The following USP10 variants were observed in gnomAD, a reference collection of about 807,000 sequenced individuals.
The protein encoded by USP10 is ubiquitin carboxyl-terminal hydrolase 10.
A neutral mutation model predicts 84.5 loss-of-function variants in USP10; 22 were observed. The observed-to-expected ratio is 0.26, with a 90% CI of 0.19 to 0.37. The LOEUF (loss-of-function observed/expected upper bound fraction) is 0.37, where lower values mean the gene tolerates loss of function less well. Among genes scored for constraint, USP10 ranks in the 10% least tolerant of loss-of-function variants. USP10 has a pLI of 1.00. For synonymous variants in USP10, 454 were observed against 387.6 expected (o/e 1.17, Z -2.01); for missense variants, 1,019 against 998.9 (o/e 1.02, Z -0.27).
intron 3 of USP10, among the ~76,000 whole-genome samples, chr16:84,742,098 G>C (rs994340713): frequency 6.6e-6 from 1 of 151,966 alleles, no homozygotes; most frequent in African/African-American, 2.4e-5. Flanking sequence ...AATTTTTGTA[G>C]GTACATAATA....
chr16:84,734,589 G>A (rs1909654787), intron 2 of USP10, among the ~76,000 whole-genome samples: 1 of 152,044 alleles, frequency 6.6e-6, no homozygotes, highest in South Asian at 2.1e-4. Context: ...TTTGGGGTTG[G>A]GTTTTTTTGT....
intron 1 of USP10, among the ~76,000 whole-genome samples, chr16:84,721,077 A>G (rs932108799): frequency 1.9e-4 from 29 of 151,924 alleles, no homozygotes; most frequent in African/African-American, 6.5e-4. Flanking sequence ...TATTTTTAGT[A>G]AAGACGGGGT....
chr16:84,775,982 T>A (rs1914971073), intron 13 of USP10, among the ~76,000 whole-genome samples: 1 of 152,230 alleles, frequency 6.6e-6, no homozygotes, highest in Non-Finnish European at 1.5e-5. Context: ...TGTTTCTAGC[T>A]TCTGTGTCTT....
intron 2 of USP10, among the ~76,000 whole-genome samples, chr16:84,734,311 T>C (rs989320468): frequency 3.3e-5 from 5 of 152,222 alleles, no homozygotes; most frequent in African/African-American, 4.8e-5. Flanking sequence ...TTTAAAATTT[T>C]GTGAATCTGA....
intron 1 of USP10, among the ~76,000 whole-genome samples, chr16:84,700,985 G>C (rs892522358): frequency 6.6e-6 from 1 of 151,698 alleles, no homozygotes; most frequent in African/African-American, 2.4e-5. Context: ...CCTTGCTTTA[G>C]ACTGCTAATT....
chr16:84,769,867 C>T (rs983798220), intron 11 of USP10, among the ~76,000 whole-genome samples: 7 of 152,008 alleles, frequency 4.6e-5, no homozygotes, highest in East Asian at 1.9e-4. Context: ...GGGGTTGAGG[C>T]GCAGGTAGTT....
chr16:84,774,608 C>G (rs779501993), intron 12 of USP10, among the ~76,000 whole-genome samples: 1 of 152,006 alleles, frequency 6.6e-6, no homozygotes, highest in Non-Finnish European at 1.5e-5. Context: ...GTAGCTGAGA[C>G]TACAGCCGCG....
intron 13 of USP10, among the ~76,000 whole-genome samples, chr16:84,776,804 C>T (rs1342137101): frequency 6.6e-6 from 1 of 152,170 alleles, no homozygotes; most frequent in Non-Finnish European, 1.5e-5. Context: ...CCTCCTGAAT[C>T]CTCATCCCCT....
At chr16:84,743,960 A>G (rs1361361836) in intron 3 of USP10, among the ~76,000 whole-genome samples, 1 of 152,190 alleles carries the variant, frequency 6.6e-6, no homozygotes, top group Non-Finnish European at 1.5e-5. Context: ...CATTTTTCAG[A>G]CTTAATTGAA....
intron 3 of USP10, among the ~76,000 whole-genome samples, chr16:84,742,539 T>A (rs1277865401): frequency 6.6e-6 from 1 of 152,202 alleles, no homozygotes; most frequent in Admixed American, 6.5e-5. Flanking sequence ...TGAGCAGCCT[T>A]GGAGAAATGC....
chr16:84,714,091 C>T (rs1372226365), intron 1 of USP10, among the ~76,000 whole-genome samples: 1 of 152,134 alleles, frequency 6.6e-6, no homozygotes, highest in Non-Finnish European at 1.5e-5. Flanking sequence ...GTGGTGGCCA[C>T]ATGCAGTTTG....
intron 11 of USP10, among the ~76,000 whole-genome samples, chr16:84,770,853 G>T (rs1160325869): frequency 6.6e-6 from 1 of 151,054 alleles, no homozygotes; most frequent in East Asian, 1.9e-4. Flanking sequence ...GGATCACAAA[G>T]TCAAGAGATC....
At chr16:84,773,572 A>C (rs1914671771) in intron 12 of USP10, among the ~76,000 whole-genome samples, 1 of 152,178 alleles carries the variant, frequency 6.6e-6, no homozygotes, top group Admixed American at 6.5e-5. Flanking sequence ...CCAGGCCTGC[A>C]CACAAGAGCT....
chr16:84,726,168 A>G (rs1159570055), intron 1 of USP10, among the ~76,000 whole-genome samples: 1 of 152,192 alleles, frequency 6.6e-6, no homozygotes, highest in Non-Finnish European at 1.5e-5. Flanking sequence ...TATTTATTCA[A>G]ATTTCCAGAG....
intron 13 of USP10, among the ~76,000 whole-genome samples, chr16:84,775,984 C>T (rs1914971263): frequency 6.6e-6 from 1 of 152,160 alleles, no homozygotes; most frequent in East Asian, 1.9e-4. Context: ...TTTCTAGCTT[C>T]TGTGTCTTCC....
chr16:84,700,770 A>C lies in USP10; in HGVS notation c.21+659A>C, dbSNP rs1904762019. On this transcript the variant is annotated intron_variant, in intron 1 of 13. Coordinates refer to ENST00000219473, the MANE Select transcript of USP10 (RefSeq NM_005153.3). ...ACGAATCCATCCCAGCCAGGCTGAC[A>C]ACTAACGCACCCTGCCTGAACAGTA... is the stretch of plus-strand genomic sequence containing the variant. Among the ~76,000 whole-genome samples, 3 of 152,120 alleles carry C rather than the reference A, an allele frequency of 2.0e-5. No individual in the cohort carries two copies. The South Asian group carries it at 6.2e-4, about 31-fold the overall frequency.
At chr16:84,758,633 C>T (rs1912856029) in intron 4 of USP10, 83 bp from the exon 5 acceptor site, 2 of 984,004 alleles carry the variant, frequency 2.0e-6, no homozygotes, top group Non-Finnish European at 3.3e-6. Flanking sequence ...TAAATGCTGT[C>T]CCAGAGTAGA....
intron 4 of USP10, among the ~76,000 whole-genome samples, chr16:84,746,146 C>G (rs1911200381): frequency 1.5e-5 from 2 of 134,320 alleles, no homozygotes; most frequent in Admixed American, 7.9e-5. Flanking sequence ...TTTGATACAC[C>G]AAGGTCAGCT....
chr16:84,739,562 C>T (rs1313010784), intron 2 of USP10, among the ~76,000 whole-genome samples: 1 of 152,180 alleles, frequency 6.6e-6, no homozygotes, highest in East Asian at 1.9e-4. Flanking sequence ...CATGAGCCAC[C>T]ATGCCCTGCC....
Sources: allele counts gnomAD v4.1 joint callset (sites outside exome capture counted in the v4.1 genomes callset), GRCh38; gene constraint gnomAD v4.1.1; transcripts MANE v1.5; gene names NCBI Gene and HGNC (gene_info 2026-07-23, HGNC 2026-07-21).